MEF2B: variants seen among roughly 807,000 people sequenced by gnomAD.
MEF2B encodes the protein myocyte enhancer factor 2B, also known as myocyte-specific enhancer factor 2B.
A neutral mutation model predicts 32.2 loss-of-function variants in MEF2B; 15 were observed. The ratio of observed to expected loss-of-function variants is 0.47; its 90% CI spans 0.31 to 0.72. The LOEUF (loss-of-function observed/expected upper bound fraction) is 0.72, where lower values mean the gene tolerates loss of function less well. Among genes scored for constraint, MEF2B ranks in the 30% least tolerant of loss-of-function variants. MEF2B has a pLI of 0.05. For synonymous variants in MEF2B, 205 were observed against 225.6 expected (o/e 0.91, Z 0.82); for missense variants, 441 against 511.5 (o/e 0.86, Z 1.33).
In MEF2B at chr19:19,145,963, G is replaced by T; in HGVS notation, c.941C>A (p.Pro314His). ...PPTRGASPPT[P>H]PVSIKSERLS... ...GCGCTCAGACTTGATGCTGACTGGGGGGGTCGGCGGGGAGGCGCCGCGGGT... is the reference window on the plus strand; with the variant it reads ...GCGCTCAGACTTGATGCTGACTGGGTGGGTCGGCGGGGAGGCGCCGCGGGT... The change falls in exon 9 of 9, where the codon CCC becomes CAC. Residue 314 changes from proline to histidine, a missense_variant. Physicochemically the swap from Pro to His is moderately conservative, Grantham distance 77 (BLOSUM62 -2). Coordinates refer to ENST00000424583, the MANE Select transcript of MEF2B (RefSeq NM_001145785.2). The surrounding 1 kb of genome is among the most constrained non-coding windows in gnomAD (Gnocchi z 4.6). 1 of 1,442,368 alleles carries T rather than the reference G, an allele frequency of 6.9e-7. No individual in the cohort carries two copies. Among genetic ancestry groups the T allele is most frequent in the Non-Finnish European group, 9.1e-7 (1 of 1,100,628 alleles). 89.3% of individuals were successfully genotyped at this position (1,442,368 alleles called of 1,614,324 possible).
intron 1 of MEF2B, among the ~76,000 whole-genome samples, chr19:19,159,739 C>A (rs1030626730): frequency 6.6e-6 from 1 of 152,102 alleles, no homozygotes; most frequent in Non-Finnish European, 1.5e-5. Context: ...AATCAACAAA[C>A]ATTACCCTGA....
Position 19,147,724 on chromosome 19 carries a change from G to A in MEF2B, c.367C>T (p.Pro123Ser), listed in dbSNP as rs569051000. The change falls in exon 4 of 9, where the codon CCG (proline) becomes TCG (serine). Residue 123 changes from proline (P) to serine (S), a missense_variant. Physicochemically the swap from Pro to Ser is moderately conservative, Grantham distance 74. Coordinates refer to ENST00000424583, the MANE Select transcript of MEF2B (RefSeq NM_001145785.2). ...FRRLAGEGGD[P>S]ALPRPRLYPA... ...TACAGCCGGGGTCGGGGCAAGGCCGGATCACCCCCTTCGCCTGCCAGCCTC... is the reference window on the plus strand; with the variant it reads ...TACAGCCGGGGTCGGGGCAAGGCCGAATCACCCCCTTCGCCTGCCAGCCTC... The A allele has an allele frequency of 1.2e-6, 2 of 1,613,812 alleles. No homozygotes were observed. Among genetic ancestry groups the A allele is most frequent in the East Asian group, 2.2e-5 (1 of 44,882 alleles).
At chr19:19,158,758 A>G (rs1381923425) in intron 1 of MEF2B, among the ~76,000 whole-genome samples, 1 of 151,508 alleles carries the variant, frequency 6.6e-6, no homozygotes. Flanking sequence ...ACGCTGTCTC[A>G]GAAAAATAAA....
chr19:19,145,657 G>A lies in MEF2B; in HGVS notation c.*140C>T. The A allele has an allele frequency of 6.5e-7, 1 of 1,527,830 alleles. No homozygotes were observed. Among genetic ancestry groups the A allele is most frequent in the East Asian group, 2.5e-5 (1 of 40,512 alleles). The allele number at this position is 1,527,830 out of a possible 1,614,324, so 94.6% of individuals were successfully genotyped here. On this transcript the variant is annotated 3_prime_UTR_variant, in exon 9 of 9. Coordinates refer to ENST00000424583, the MANE Select transcript of MEF2B (RefSeq NM_001145785.2). The surrounding 1 kb of genome is among the most constrained non-coding windows in gnomAD (Gnocchi z 4.6). ...AGCCCCCCAGGGTGGATTGAGTCCAGCCGCCCACCTCCAAGCCCCCACCGC... is the reference window on the plus strand; with the variant it reads ...AGCCCCCCAGGGTGGATTGAGTCCAACCGCCCACCTCCAAGCCCCCACCGC...
At position 19,149,197 on chromosome 19, in the gene MEF2B, G is replaced by T. The variant is rs574931689; in HGVS notation, c.258+29C>A. The T allele has an allele frequency of 1.5e-4, 238 of 1,611,630 alleles. 2 individuals are homozygous for T. In the South Asian group the frequency reaches 2.3e-3, roughly 15 times the overall value. ...GAGAAAGCAGCGTGCACGGGGCCTTGTGGGGCTGGGGAGGAGGACCTGGGG... is the reference window on the plus strand; with the variant it reads ...GAGAAAGCAGCGTGCACGGGGCCTTTTGGGGCTGGGGAGGAGGACCTGGGG... On this transcript the variant is annotated intron_variant, in intron 3 of 8. Transcript: ENST00000424583.
rs746905972 is a variant in MEF2B, at chr19:19,146,591, G to T, written c.733C>A (p.Leu245Met). The T allele has an allele frequency of 3.1e-6, 5 of 1,602,538 alleles. No individual in the cohort carries two copies. Among genetic ancestry groups the T allele is most frequent in the Non-Finnish European group, 4.3e-6 (5 of 1,175,378 alleles). Residue 245 changes from leucine (L) to methionine (M), a missense_variant, in exon 7 of 9, where the codon CTG (leucine) becomes ATG (methionine). By Grantham distance (15) the Leu-to-Met change is conservative. Around this residue, in one of 2 missense-constraint regions of MEF2B, gnomAD observed 326 missense variants for 328.4 expected, o/e 0.99. Transcript: ENST00000424583. ...PCSTATPGPP[L>M]GSFPFLPGGP... Reference sequence around the variant, plus strand: ...CCGGGGAGGAAGGGGAAGCTCCCCAGTGGGGGTCCGGGAGTTGCAGTGGAG... The same window carrying T: ...CCGGGGAGGAAGGGGAAGCTCCCCATTGGGGGTCCGGGAGTTGCAGTGGAG...
chr19:19,151,977 T>TTTTG (rs71170603), intron 1 of MEF2B, among the ~76,000 whole-genome samples: 2 of 138,120 alleles, frequency 1.4e-5, no homozygotes, highest in Non-Finnish European at 1.6e-5. Flanking sequence ...TTTTTTTTTT[T>TTTTG]GAGACGAGTT....
At chr19:19,154,433 A>G (rs2060106550) in intron 1 of MEF2B, among the ~76,000 whole-genome samples, 1 of 152,092 alleles carries the variant, frequency 6.6e-6, no homozygotes, top group African/African-American at 2.4e-5. Flanking sequence ...AAGTGCTGGG[A>G]TTACAGGCAT....
chr19:19,149,825 T>G (rs1322308829), intron 2 of MEF2B, among the ~76,000 whole-genome samples: 3 of 151,752 alleles, frequency 2.0e-5, no homozygotes, highest in African/African-American at 7.3e-5. Flanking sequence ...CAGCCTGAGG[T>G]CCCAGCACTT....
chr19:19,150,165 A>G (rs1599721930), intron 2 of MEF2B, among the ~76,000 whole-genome samples: 4 of 90,114 alleles, frequency 4.4e-5, no homozygotes, highest in African/African-American at 9.3e-5. Flanking sequence ...GGAGGGAGGG[A>G]GGGAAGGAGG....
chr19:19,153,090 A>G (rs2060096395), intron 1 of MEF2B, among the ~76,000 whole-genome samples: 1 of 152,228 alleles, frequency 6.6e-6, no homozygotes, highest in African/African-American at 2.4e-5. Context: ...TCCCAGGGCC[A>G]AGATGACTCC....
At chr19:19,156,639 G>A (rs989920930) in intron 1 of MEF2B, among the ~76,000 whole-genome samples, 9 of 152,072 alleles carry the variant, frequency 5.9e-5, no homozygotes, top group Non-Finnish European at 1.2e-4. Flanking sequence ...TGAAATAGAC[G>A]GGATCTAGCC....
chr19:19,153,061 G>A (rs950785593), intron 1 of MEF2B, among the ~76,000 whole-genome samples: 2 of 152,176 alleles, frequency 1.3e-5, no homozygotes, highest in Non-Finnish European at 2.9e-5. Context: ...GGGGGTGGAC[G>A]GGGGCCTTGG....
rs1211742770 is a variant in MEF2B, at chr19:19,149,239, G to C, written c.245C>G (p.Thr82Ser). 2.4e-5 allele frequency: 38 copies of C among 1,613,880 alleles called. No homozygotes were observed. Among genetic ancestry groups the C allele is most frequent in the Non-Finnish European group, 3.0e-5 (35 of 1,180,010 alleles). The change falls in exon 3 of 9, where the codon ACT (threonine) becomes AGT (serine). Residue 82 changes from threonine to serine, a missense_variant. Coordinates refer to ENST00000424583, the MANE Select transcript of MEF2B (RefSeq NM_001145785.2). ...YSEPHESRTN[T>S]DILETLKRRG... ...GACCTGGGGTACCTCGAGGATGTCAGTGTTGGTGCGGCTCTCGTGGGGCTC... is the reference window on the plus strand; with the variant it reads ...GACCTGGGGTACCTCGAGGATGTCACTGTTGGTGCGGCTCTCGTGGGGCTC...
At chr19:19,154,910 C>T (rs2060110172) in intron 1 of MEF2B, among the ~76,000 whole-genome samples, 1 of 152,218 alleles carries the variant, frequency 6.6e-6, no homozygotes, top group African/African-American at 2.4e-5. Flanking sequence ...CCCCTCTGTG[C>T]TAGGCCTGTG....
intron 1 of MEF2B, among the ~76,000 whole-genome samples, chr19:19,159,526 G>A (rs983426885): frequency 2.0e-5 from 3 of 152,130 alleles, no homozygotes; most frequent in African/African-American, 4.8e-5. Context: ...GAAATACAGA[G>A]TTTGAATGGA....
At chr19:19,168,772 A>T (rs1012396755) in intron 1 of MEF2B, among the ~76,000 whole-genome samples, 8 of 150,648 alleles carry the variant, frequency 5.3e-5, no homozygotes, top group African/African-American at 1.9e-4. Flanking sequence ...TAAAAAAACA[A>T]TTTTTTTTGG....
intron 1 of MEF2B, among the ~76,000 whole-genome samples, chr19:19,151,491 C>T (rs11672862): frequency 0.15 from 22,254 of 152,060 alleles, 1,877 homozygotes; most frequent in East Asian, 0.34. Flanking sequence ...GAGACCCCCA[C>T]TCGAGGTTCC....
chr19:19,146,821 G>T lies in MEF2B; in HGVS notation c.596C>A (p.Pro199Gln), dbSNP rs142105652. The T allele has an allele frequency of 5.0e-6, 8 of 1,613,888 alleles. No individual in the cohort carries two copies. Among genetic ancestry groups the T allele is most frequent in the Non-Finnish European group, 6.8e-6 (8 of 1,179,922 alleles). ...PSHLTSKTPPPLYLPTEGRRS... is the reference protein window; with the variant it reads ...PSHLTSKTPPQLYLPTEGRRS... ...CCGCCCTTCCGTCGGCAGGTACAGT[G>T]GGGGTGGTGTCTTGCTGGTGAGGTG... Residue 199 changes from proline to glutamine, a missense_variant, in exon 6 of 9, where the codon CCA (proline) becomes CAA (glutamine). By Grantham distance (76) the Pro-to-Gln change is moderately conservative. Coordinates refer to ENST00000424583, the MANE Select transcript of MEF2B (RefSeq NM_001145785.2).
Sources: gnomAD v4.1 joint callset for allele counts (sites outside exome capture counted in the v4.1 genomes callset) on GRCh38, gnomAD v4.1.1 for gene constraint, gnomAD v4.1.1 regional missense constraint, Gnocchi (gnomAD v3.1) non-coding constraint, MANE v1.5 for transcripts, NCBI Gene and HGNC (gene_info 2026-07-23, HGNC 2026-07-21) for gene names.